The following EMG1 variants were observed in gnomAD, a reference collection of about 807,000 sequenced individuals.
EMG1 encodes the protein ribosomal RNA small subunit methyltransferase NEP1.
EMG1 carries 24 observed loss-of-function variants against 26.9 expected under a neutral mutation model. That is an observed-to-expected ratio of 0.89 (90% CI 0.65 to 1.26). EMG1 has a LOEUF of 1.26. Ranked by LOEUF, EMG1 falls within the 50% of genes most tolerant of loss-of-function variation. EMG1 has a pLI of 0.00. For synonymous variants in EMG1, 140 were observed against 112.6 expected (o/e 1.24, Z -1.54); for missense variants, 299 against 307.6 (o/e 0.97, Z 0.21).
At chr12:6,981,141 A>G (rs1555154005), downstream of EMG1, 2 of 1,613,640 alleles carry the variant, frequency 1.2e-6, no homozygotes, top group Middle Eastern at 1.7e-4. Context: ...GGGAAGGAAC[A>G]CCACGTATGG....
intron 6 of EMG1, among the ~76,000 whole-genome samples, chr12:6,985,391 G>A (rs143930779): frequency 5.9e-5 from 9 of 151,704 alleles, no homozygotes; most frequent in South Asian, 2.1e-4. Flanking sequence ...GCGAGATTCC[G>A]TCTCAAAAAA....
intron 1 of EMG1, 32 bp downstream of exon 1, chr12:6,971,123 A>C: frequency 6.3e-7 from 1 of 1,583,888 alleles, no homozygotes; most frequent in Non-Finnish European, 8.6e-7. Flanking sequence ...AGAAGTAGTA[A>C]ATCGATAGGT....
chr12:6,974,543 T>C lies in EMG1; in HGVS notation c.271-9T>C. 5.6e-6 allele frequency: 9 copies of C among 1,612,872 alleles called. No homozygotes were observed. The highest frequency in any genetic ancestry group is 7.6e-6 in the Non-Finnish European group (9 of 1,178,908). On this transcript the variant is annotated splice_polypyrimidine_tract_variant and intron_variant, in intron 2 of 5. Transcript: ENST00000599672. The stretch of plus-strand genomic sequence containing the variant: ...GCCTTAACCATGTCTCGGTTTCTGC[T>C]TTGCTCAGAGTTTGCTGATGCTGAT...
downstream of EMG1, among the ~76,000 whole-genome samples, chr12:6,984,699 A>C (rs138566103): frequency 3.3e-4 from 50 of 151,950 alleles, 1 homozygote; most frequent in East Asian, 9.5e-3. Context: ...TGATCCTCCA[A>C]CTTCAGCCTC....
chr12:6,980,216 T>A (rs1461629349), downstream of EMG1, among the ~76,000 whole-genome samples: 1 of 151,694 alleles, frequency 6.6e-6, no homozygotes, highest in African/African-American at 2.4e-5. Flanking sequence ...CCTGGATAAT[T>A]TTTTTTTGTA....
chr12:6,981,106 T>C, downstream of EMG1: 2 of 1,613,916 alleles, frequency 1.2e-6, no homozygotes, highest in Non-Finnish European at 1.7e-6. Flanking sequence ...CCCATAGAAG[T>C]AGGAGAAACC....
chr12:6,971,274 CTT>C (rs34818013), intron 1 of EMG1, among the ~76,000 whole-genome samples, 183 bp downstream of exon 1: 23 of 135,436 alleles, frequency 1.7e-4, no homozygotes, highest in Admixed American at 1.5e-4. Flanking sequence ...ATTTTTCTTT[CTT>C]TTTTTTTTTT....
chr12:6,989,410 C>G (rs1673909998), downstream of EMG1, among the ~76,000 whole-genome samples: 1 of 150,848 alleles, frequency 6.6e-6, no homozygotes, highest in South Asian at 2.1e-4. Flanking sequence ...CCCGGGTTCA[C>G]GCCATTCTCC....
In EMG1 at chr12:6,987,113, A is replaced by AG. The variant is rs1380629200; in HGVS notation, c.*155-669_*155-668insG. ...GGGCAACGAGCAAGATTCTGTCTCA[A>AG]AAAAAAAAGAAAAAAAAGTTTTATG... On this transcript the variant is annotated intron_variant and NMD_transcript_variant, in intron 6 of 7. Coordinates refer to the EMG1 transcript ENST00000261406. This position sits in a 1 kb window ranked among gnomAD's most constrained non-coding sequence, Gnocchi z 4.1. 6.6e-6 allele frequency among the ~76,000 whole-genome samples: 1 copy of AG among 151,272 alleles called. No homozygotes were observed. The highest frequency in any genetic ancestry group is 1.5e-5 in the Non-Finnish European group (1 of 67,762).
rs782675633 is a variant in EMG1 at position 6,975,114 on chromosome 12, T to C, written c.437T>C (p.Val146Ala). The part of the protein sequence containing the change: ...LMVQLLHKLS[V>A]RAADGPQKLL... ...GTTCAACTTTTACACAAGCTCAGTG[T>C]TCGAGCAGCTGATGGCCCCCAGAAG... Residue 146 changes from valine (V) to alanine (A), a missense_variant, in exon 4 of 6, where the codon GTT becomes GCT. By Grantham distance (64) the Val-to-Ala change is moderately conservative. Transcript: ENST00000599672. 1 of 1,614,058 alleles carries C rather than the reference T, an allele frequency of 6.2e-7. No individual in the cohort carries two copies. Among genetic ancestry groups the C allele is most frequent in the Admixed American group, 1.7e-5 (1 of 60,024 alleles).
chr12:6,991,047 A>T (rs1367473829), downstream of EMG1, among the ~76,000 whole-genome samples: 3 of 152,170 alleles, frequency 2.0e-5, no homozygotes, highest in Admixed American at 2.0e-4. Context: ...AATGTAAACC[A>T]CTATATTTCC....
Position 6,978,354 on chromosome 12 carries a change from C to T in EMG1, c.*2545C>T, listed in dbSNP as rs2138328225. 3 of 1,610,122 alleles carry T rather than the reference C, an allele frequency of 1.9e-6. No individual in the cohort carries two copies. The highest frequency in any genetic ancestry group is 2.2e-5 in the East Asian group (1 of 44,830). On this transcript the variant is annotated 3_prime_UTR_variant, in exon 6 of 6. Coordinates refer to ENST00000599672, the MANE Select transcript of EMG1 (RefSeq NM_006331.8). ...CCAGCAGCTCACCGGGCCACCCAGG[C>T]GTTGGTGTTGATGTTGAATGAGGCA...
rs1451782553 is a variant in EMG1, at chr12:6,979,879, A to G, written c.*4070A>G. On this transcript the variant is annotated 3_prime_UTR_variant, in exon 6 of 6. Transcript: ENST00000599672. ...TCTCAAGGTCTTGCCAGGTCTCACA[A>G]TCTCCATTGGGACTGAAAACCCAGT... The G allele has an allele frequency of 2.0e-5, 7 of 352,812 alleles. No individual in the cohort carries two copies. Among genetic ancestry groups the G allele is most frequent in the Admixed American group, 4.4e-5 (1 of 22,760 alleles). The allele number at this position is 352,812 out of a possible 1,614,324, so 21.9% of individuals were successfully genotyped here. A position where few individuals can be genotyped will look rare whatever the true frequency, so the allele number is the denominator to read the frequency against.
Position 6,975,442 on chromosome 12 carries a change from C to G in EMG1, c.621+64C>G, listed in dbSNP as rs1946383153. 3 of 1,483,496 alleles carry G rather than the reference C, an allele frequency of 2.0e-6. No homozygotes were observed. The East Asian group carries it at 7.3e-5, about 36-fold the overall frequency. The allele number at this position is 1,483,496 out of a possible 1,614,324, so 91.9% of individuals were successfully genotyped here. A position where few individuals can be genotyped will look rare whatever the true frequency, so the allele number is the denominator to read the frequency against. On this transcript the variant is annotated intron_variant, in intron 5 of 5. Transcript: ENST00000599672. ...TGAACTTAGTATAGAATTCCCAGAG[C>G]AGTAGGCATTTTAACAATGCTTACA...
intron 7 of EMG1, among the ~76,000 whole-genome samples, chr12:6,996,302 T>C (rs1158286571): frequency 6.6e-6 from 1 of 152,198 alleles, no homozygotes; most frequent in Non-Finnish European, 1.5e-5. Flanking sequence ...CTTTGTAAAA[T>C]GTCACCATAA....
chr12:6,981,251 TC>T (rs1591546782), downstream of EMG1: 1 of 1,297,866 alleles, frequency 7.7e-7, no homozygotes, highest in Non-Finnish European at 1.1e-6. Flanking sequence ...CTTTGAGTGT[TC>T]CCCACCTGTG....
At chr12:6,992,008 A>G (rs1946594141), downstream of EMG1, among the ~76,000 whole-genome samples, 2 of 152,110 alleles carry the variant, frequency 1.3e-5, no homozygotes, top group South Asian at 4.1e-4. Flanking sequence ...CCTGGCCAAC[A>G]TGGCGAAACC....
downstream of EMG1, among the ~76,000 whole-genome samples, chr12:6,992,589 C>T (rs12578999): frequency 1.7e-3 from 260 of 152,328 alleles, 1 homozygote; most frequent in South Asian, 0.031. Flanking sequence ...TTAAAGAAGT[C>T]TCAGGAACTT....
chr12:6,973,302 G>C (rs1591707055), intron 1 of EMG1, among the ~76,000 whole-genome samples: 1 of 152,048 alleles, frequency 6.6e-6, no homozygotes, highest in African/African-American at 2.4e-5. Context: ...CAAGTAGCTA[G>C]GACTACAGGC....
Sources: gnomAD v4.1 joint callset for allele counts (sites outside exome capture counted in the v4.1 genomes callset) on GRCh38, gnomAD v4.1.1 for gene constraint, Gnocchi (gnomAD v3.1) non-coding constraint, MANE v1.5 for transcripts, NCBI Gene and HGNC (gene_info 2026-07-23, HGNC 2026-07-21) for gene names.